The following MYO1D variants were observed in gnomAD, a reference collection of about 807,000 sequenced individuals.
MYO1D encodes myosin ID.
Under a neutral mutation model 122.0 loss-of-function variants are expected in MYO1D, and 83 were observed. The ratio of observed to expected loss-of-function variants is 0.68; its 90% confidence interval spans 0.57 to 0.82. The LOEUF (loss-of-function observed/expected upper bound fraction) is 0.82, where lower values mean the gene tolerates loss of function less well. Ranked by LOEUF, MYO1D falls within the 40% of genes least tolerant of loss-of-function variation. The pLI, the probability that MYO1D is intolerant of heterozygous loss-of-function variation, is 0.00. For synonymous variants in MYO1D, 464 were observed against 446.9 expected, an observed-to-expected ratio of 1.04 and a Z score of -0.48; for missense variants, 1,157 against 1,269.5, an observed-to-expected ratio of 0.91 and a Z score of 1.35.
intron 1 of MYO1D, among the ~76,000 whole-genome samples, chr17:32,818,193 C>T (rs910746774): frequency 6.7e-6 from 1 of 149,802 alleles, no homozygotes; most frequent in Non-Finnish European, 1.5e-5. Flanking sequence ...AGTTGAGATT[C>T]ACCTAAGCAG....
At chr17:32,828,014 C>T (rs2090737892) in intron 1 of MYO1D, among the ~76,000 whole-genome samples, 1 of 152,162 alleles carries the variant, frequency 6.6e-6, no homozygotes, top group Non-Finnish European at 1.5e-5. Flanking sequence ...TCACAAACCG[C>T]TAAATATTGG....
chr17:32,796,009 C>T (rs1022077232), intron 1 of MYO1D, among the ~76,000 whole-genome samples: 13 of 152,124 alleles, frequency 8.5e-5, no homozygotes, highest in African/African-American at 2.9e-4. Context: ...AGACCCTTAA[C>T]GGTGCTGAGT....
At chr17:32,557,122 A>ATTT (rs11376885) in intron 21 of MYO1D, among the ~76,000 whole-genome samples, 1 of 145,664 alleles carries the variant, frequency 6.9e-6, no homozygotes, top group African/African-American at 2.5e-5. Context: ...TAGTTTATCC[A>ATTT]TTTTTTTTTT....
At chr17:32,834,285 C>T (rs565068991) in intron 1 of MYO1D, among the ~76,000 whole-genome samples, 7 of 152,272 alleles carry the variant, frequency 4.6e-5, no homozygotes, top group Admixed American at 4.6e-4. Context: ...TTCATTATTC[C>T]AGTCACTGGA....
intron 21 of MYO1D, among the ~76,000 whole-genome samples, chr17:32,549,414 A>C (rs1392094633): frequency 6.6e-6 from 1 of 152,196 alleles, no homozygotes; most frequent in East Asian, 1.9e-4. Context: ...GTTTGTTACA[A>C]ATATAAACGT....
intron 21 of MYO1D, among the ~76,000 whole-genome samples, chr17:32,543,679 C>T (rs967134256): frequency 6.6e-6 from 1 of 152,240 alleles, no homozygotes; most frequent in African/African-American, 2.4e-5. Flanking sequence ...CCCTTCATGT[C>T]AAAGTCTAGG....
chr17:32,816,170 C>T (rs886159997), intron 1 of MYO1D, among the ~76,000 whole-genome samples: 1 of 152,122 alleles, frequency 6.6e-6, no homozygotes, highest in Non-Finnish European at 1.5e-5. Flanking sequence ...GTGAAAAGGG[C>T]ACATTTGGTT....
rs575314294 is a variant in MYO1D, at chr17:32,821,534, T to TCACACACACACACACACA, written c.96-40751_96-40750insTGTGTGTGTGTGTGTGTG. 3.2e-3 allele frequency among the ~76,000 whole-genome samples: 458 copies of TCACACACACACACACACA among 143,140 alleles called. 2 individuals are homozygous for TCACACACACACACACACA. Among genetic ancestry groups the TCACACACACACACACACA allele is most frequent in the African/African-American group, 9.9e-3 (395 of 39,706 alleles). The allele number at this position is 143,140 out of a possible 152,430, so 93.9% of individuals were successfully genotyped here. ...CCTTTGTCAGCTGAAGATAAGTAAA[T>TCACACACACACACACACA]CACACATACACACACACACACACAC... is the stretch of plus-strand genomic sequence containing the variant. On this transcript the variant is annotated intron_variant, in intron 1 of 21. Coordinates refer to ENST00000318217, the MANE Select transcript of MYO1D (RefSeq NM_015194.3).
intron 13 of MYO1D, 141 bp downstream of exon 13, chr17:32,745,070 A>G: frequency 1.7e-6 from 1 of 591,542 alleles, no homozygotes; most frequent in Non-Finnish European, 3.0e-6. Flanking sequence ...AGTTAGTTAT[A>G]TGCTATTTAT....
intron 3 of MYO1D, among the ~76,000 whole-genome samples, chr17:32,777,395 C>T (rs1044235384): frequency 4.2e-5 from 6 of 143,798 alleles, no homozygotes; most frequent in Non-Finnish European, 7.7e-5. Context: ...TGAGGTGGGA[C>T]TCTTTACTAA....
At chr17:32,793,171 G>C (rs1285454703) in intron 1 of MYO1D, among the ~76,000 whole-genome samples, 1 of 151,848 alleles carries the variant, frequency 6.6e-6, no homozygotes, top group Non-Finnish European at 1.5e-5. Flanking sequence ...CAGCACTCAA[G>C]CTCTTGACAT....
At chr17:32,766,895 A>G (rs1049052134) in intron 7 of MYO1D, among the ~76,000 whole-genome samples, 1 of 152,230 alleles carries the variant, frequency 6.6e-6, no homozygotes, top group Non-Finnish European at 1.5e-5. Flanking sequence ...ACAATTTATA[A>G]TACTAAAGTC....
chr17:32,517,407 G>C (rs1201206680), intron 21 of MYO1D, among the ~76,000 whole-genome samples: 1 of 152,176 alleles, frequency 6.6e-6, no homozygotes, highest in Non-Finnish European at 1.5e-5. Flanking sequence ...AGCTGAAATG[G>C]AATCTTTGGG....
chr17:32,632,298 G>C (rs1022791169), intron 20 of MYO1D: 3 of 152,188 alleles, frequency 2.0e-5, no homozygotes, highest in South Asian at 2.1e-4. Context: ...ATGGCCTATA[G>C]ACATGTTTTT....
At position 32,523,790 on chromosome 17, in the gene MYO1D, CAAAAAAA is replaced by C. The variant is rs34905929; in HGVS notation, c.2865-28882_2865-28876del. Among the ~76,000 whole-genome samples the C allele has an allele frequency of 4.9e-4, 45 of 91,660 alleles. No homozygotes were observed. The East Asian group carries it at 0.013, about 27-fold the overall frequency. The allele number at this position is 91,660 out of a possible 152,430, so 60.1% of individuals were successfully genotyped here. Reference sequence around the variant, plus strand: ...TGGGCAACAGAAAAAGACCCTGTCTCAAAAAAAAAAAAAAAAAAAAAAGAGTGCCAAC... The same window carrying C: ...TGGGCAACAGAAAAAGACCCTGTCTCAAAAAAAAAAAAAAAGAGTGCCAAC... On this transcript the variant is annotated intron_variant, in intron 21 of 21. Transcript: ENST00000318217.
intron 21 of MYO1D, among the ~76,000 whole-genome samples, chr17:32,542,303 A>G (rs537068848): frequency 6.6e-6 from 1 of 152,284 alleles, no homozygotes; most frequent in East Asian, 1.9e-4. Context: ...AGACTGAAGA[A>G]CCTCTCTGTT....
intron 19 of MYO1D, among the ~76,000 whole-genome samples, chr17:32,643,853 G>A (rs922018074): frequency 6.6e-6 from 1 of 151,844 alleles, no homozygotes; most frequent in African/African-American, 2.4e-5. Flanking sequence ...CAATTTTGTT[G>A]ATCTTTTCAA....
intron 20 of MYO1D, among the ~76,000 whole-genome samples, chr17:32,620,808 C>T (rs1261562629): frequency 6.6e-6 from 1 of 152,052 alleles, no homozygotes; most frequent in African/African-American, 2.4e-5. Flanking sequence ...GGGGGAGGAG[C>T]CAGGAGGCAA....
intron 1 of MYO1D, among the ~76,000 whole-genome samples, chr17:32,845,917 G>A (rs749302679): frequency 1.4e-4 from 21 of 151,776 alleles, no homozygotes; most frequent in Admixed American, 2.6e-4. Context: ...TGAATGGTAC[G>A]AGCTTCTGAA....
Sources: allele counts gnomAD v4.1 joint callset (sites outside exome capture counted in the v4.1 genomes callset), GRCh38; gene constraint gnomAD v4.1.1; transcripts MANE v1.5; gene names NCBI Gene and HGNC (gene_info 2026-07-23, HGNC 2026-07-21).